The following MARCHF11 variants were observed in gnomAD, a reference collection of about 807,000 sequenced individuals.
The protein encoded by MARCHF11 is membrane associated ring-CH-type finger 11.
MARCHF11 carries 29 observed loss-of-function variants against 37.3 expected under a neutral mutation model. The observed-to-expected ratio is 0.78, with a 90% CI of 0.58 to 1.06. The LOEUF is 1.06. Ranked by LOEUF, MARCHF11 falls within the 50% of genes least tolerant of loss-of-function variation. The pLI, the probability that MARCHF11 is intolerant of heterozygous loss-of-function variation, is 0.00. For synonymous variants in MARCHF11, 233 were observed against 228.0 expected (o/e 1.02, Z -0.20); for missense variants, 482 against 533.4 (o/e 0.90, Z 0.95).
chr5:16,106,079 C>T (rs535195000), intron 2 of MARCHF11, among the ~76,000 whole-genome samples: 1 of 152,260 alleles, frequency 6.6e-6, no homozygotes, highest in African/African-American at 2.4e-5. Context: ...GGTGGACAGA[C>T]ATCAATGCAA....
chr5:16,117,762 C>T (rs1737245210), intron 2 of MARCHF11, among the ~76,000 whole-genome samples: 2 of 152,166 alleles, frequency 1.3e-5, no homozygotes, highest in Admixed American at 6.5e-5. Flanking sequence ...TCCAAAATAA[C>T]CTACGACATA....
At chr5:16,095,215 T>C (rs901647969) in intron 2 of MARCHF11, among the ~76,000 whole-genome samples, 2 of 152,196 alleles carry the variant, frequency 1.3e-5, no homozygotes, top group Non-Finnish European at 2.9e-5. Flanking sequence ...GCTTTCTAGC[T>C]GAACTTGAAG....
intron 3 of MARCHF11, among the ~76,000 whole-genome samples, chr5:16,072,877 G>T (rs1736461648): frequency 1.3e-5 from 2 of 152,134 alleles, no homozygotes; most frequent in African/African-American, 2.4e-5. Context: ...AGACGAGGGA[G>T]TGGATGCTTC....
intron 2 of MARCHF11, among the ~76,000 whole-genome samples, chr5:16,127,524 A>T (rs1478958671): frequency 1.3e-5 from 2 of 152,212 alleles, no homozygotes; most frequent in Non-Finnish European, 2.9e-5. Context: ...CTAACAAGGC[A>T]TATCTGAAGA....
At chr5:16,072,450 A>G (rs1472061490) in intron 3 of MARCHF11, among the ~76,000 whole-genome samples, 2 of 151,824 alleles carry the variant, frequency 1.3e-5, no homozygotes, top group African/African-American at 4.8e-5. Flanking sequence ...GGCCTGCATG[A>G]TGGGATTAAT....
At chr5:16,087,327 T>A (rs2126554267) in intron 3 of MARCHF11, among the ~76,000 whole-genome samples, 1 of 152,334 alleles carries the variant, frequency 6.6e-6, no homozygotes. Context: ...TTTAACACCC[T>A]TCTCTTAATT....
chr5:16,128,621 C>G (rs775209428), intron 2 of MARCHF11, among the ~76,000 whole-genome samples: 7 of 152,102 alleles, frequency 4.6e-5, no homozygotes, highest in Non-Finnish European at 7.4e-5. Context: ...CTGGTGTGAC[C>G]TGAGAAATAA....
intron 2 of MARCHF11, among the ~76,000 whole-genome samples, chr5:16,171,823 C>T (rs941753602): frequency 2.0e-5 from 3 of 152,192 alleles, no homozygotes; most frequent in Non-Finnish European, 4.4e-5. Flanking sequence ...TTCTTGTCAT[C>T]CTGACTTGCT....
intron 2 of MARCHF11, among the ~76,000 whole-genome samples, chr5:16,158,706 T>A (rs902112005): frequency 1.3e-5 from 2 of 152,004 alleles, no homozygotes; most frequent in African/African-American, 4.8e-5. Context: ...ATTCTTTTTT[T>A]AAATTGTATT....
rs550265929 is a variant in MARCHF11 at position 16,079,277 on chromosome 5, C to T, written c.887-11484G>A. Among the ~76,000 whole-genome samples, 45 of 152,306 alleles carry T rather than the reference C, an allele frequency of 3.0e-4. No homozygotes were observed. The South Asian group carries it at 9.3e-3, about 32-fold the overall frequency. On this transcript the variant is annotated intron_variant, in intron 3 of 3. Coordinates refer to ENST00000332432, the MANE Select transcript of MARCHF11 (RefSeq NM_001102562.3). ...CAACCTCCAATGCCTCCCACTCACC[C>T]ACCTTCTTAATCTCAATGCACCCAC...
chr5:16,114,126 AT>A (rs1369652972), intron 2 of MARCHF11, among the ~76,000 whole-genome samples: 1 of 152,018 alleles, frequency 6.6e-6, no homozygotes, highest in African/African-American at 2.4e-5. Context: ...ACAAGATTTC[AT>A]TTTTTTATGG....
intron 2 of MARCHF11, among the ~76,000 whole-genome samples, chr5:16,095,778 T>C (rs1239188530): frequency 6.6e-6 from 1 of 152,100 alleles, no homozygotes; most frequent in Non-Finnish European, 1.5e-5. Context: ...CTTCCTTCCT[T>C]CACACTCAAA....
chr5:16,164,810 C>G (rs1040950147), intron 2 of MARCHF11, among the ~76,000 whole-genome samples: 5 of 152,070 alleles, frequency 3.3e-5, no homozygotes, highest in Non-Finnish European at 2.9e-5. Flanking sequence ...CTGCCATCAT[C>G]CTAGCACAGC....
chr5:16,107,444 G>T (rs1469180727), intron 2 of MARCHF11, among the ~76,000 whole-genome samples: 1 of 152,008 alleles, frequency 6.6e-6, no homozygotes, highest in Non-Finnish European at 1.5e-5. Context: ...TTTTGTGATT[G>T]GGAGTACTAG....
At chr5:16,127,231 A>G (rs1480408504) in intron 2 of MARCHF11, among the ~76,000 whole-genome samples, 5 of 152,160 alleles carry the variant, frequency 3.3e-5, no homozygotes, top group Admixed American at 6.5e-5. Context: ...GGGACTGCCA[A>G]TGCTCATCAA....
At chr5:16,131,688 G>T (rs1737517649) in intron 2 of MARCHF11, among the ~76,000 whole-genome samples, 1 of 152,192 alleles carries the variant, frequency 6.6e-6, no homozygotes, top group South Asian at 2.1e-4. Flanking sequence ...TGACGAAGTT[G>T]AACTTGGTGG....
At chr5:16,170,911 C>CA (rs1404745118) in intron 2 of MARCHF11, among the ~76,000 whole-genome samples, 1 of 151,982 alleles carries the variant, frequency 6.6e-6, no homozygotes, top group Non-Finnish European at 1.5e-5. Flanking sequence ...AAATGTATTC[C>CA]AGGACTCACA....
intron 3 of MARCHF11, 50 bp from the exon 4 acceptor site, chr5:16,067,843 C>G: frequency 6.7e-7 from 1 of 1,500,378 alleles, no homozygotes; most frequent in South Asian, 1.3e-5. Flanking sequence ...TAATCCAAGG[C>G]TGGGAGTGTT....
intron 2 of MARCHF11, among the ~76,000 whole-genome samples, chr5:16,134,268 G>C (rs1423376136): frequency 6.6e-6 from 1 of 152,176 alleles, no homozygotes; most frequent in Non-Finnish European, 1.5e-5. Context: ...TGCTGGAAAT[G>C]TAATACAATC....
Sources: allele counts gnomAD v4.1 joint callset (sites outside exome capture counted in the v4.1 genomes callset), GRCh38; gene constraint gnomAD v4.1.1; transcripts MANE v1.5; gene names NCBI Gene and HGNC (gene_info 2026-07-23, HGNC 2026-07-21).